The following MOXD1 variants were observed in gnomAD, a reference collection of about 807,000 sequenced individuals.
The protein encoded by MOXD1 is DBH-like monooxygenase protein 1.
MOXD1 carries 62 observed loss-of-function variants against 66.6 expected under a neutral mutation model. That is an observed-to-expected ratio of 0.93 (90% CI 0.76 to 1.15). MOXD1 has a LOEUF of 1.15. Ranked by LOEUF, MOXD1 falls within the 50% of genes most tolerant of loss-of-function variation. The pLI, the probability that MOXD1 is intolerant of heterozygous loss-of-function variation, is 0.00. For synonymous variants in MOXD1, 303 were observed against 281.9 expected (o/e 1.07, Z -0.75); for missense variants, 847 against 754.6 (o/e 1.12, Z -1.44).
intron 4 of MOXD1, among the ~76,000 whole-genome samples, chr6:132,353,763 AC>A (rs1299733524): frequency 6.6e-6 from 1 of 151,818 alleles, no homozygotes; most frequent in Non-Finnish European, 1.5e-5. Flanking sequence ...ATGTTTCCAA[AC>A]TTTTAGATTC....
intron 4 of MOXD1, among the ~76,000 whole-genome samples, chr6:132,344,474 G>A (rs1039992640): frequency 4.6e-5 from 7 of 152,132 alleles, no homozygotes; most frequent in African/African-American, 7.2e-5. Flanking sequence ...AGATAGGGGC[G>A]GGTCCCTGGT....
intron 4 of MOXD1, among the ~76,000 whole-genome samples, chr6:132,333,418 C>T (rs758083237): frequency 3.3e-5 from 5 of 151,208 alleles, no homozygotes; most frequent in Non-Finnish European, 7.4e-5. Context: ...GGTTACTTCA[C>T]ACATTCACAT....
At chr6:132,374,537 A>C (rs1776336131) in intron 2 of MOXD1, 94 bp downstream of exon 2, 1 of 1,062,866 alleles carries the variant, frequency 9.4e-7, no homozygotes, top group African/African-American at 1.6e-5. Context: ...ATTAGAAAAA[A>C]GACTATATGA....
At chr6:132,328,146 C>T (rs764005730) in intron 5 of MOXD1, 31 bp from the exon 6 acceptor site, 3 of 1,568,446 alleles carry the variant, frequency 1.9e-6, no homozygotes, top group Non-Finnish European at 2.6e-6. Flanking sequence ...GAGACAATGT[C>T]CTATGAAAGT....
At chr6:132,356,658 A>G (rs1010122129) in intron 4 of MOXD1, among the ~76,000 whole-genome samples, 1 of 152,196 alleles carries the variant, frequency 6.6e-6, no homozygotes, top group Non-Finnish European at 1.5e-5. Context: ...TATGGTTTAT[A>G]CATAATAGGA....
rs541273014 is a variant in MOXD1, at chr6:132,377,875, C to A, written c.265-3098G>T. Among the ~76,000 whole-genome samples the A allele has an allele frequency of 2.0e-5, 3 of 152,248 alleles. No homozygotes were observed. In the South Asian group the frequency reaches 6.2e-4, roughly 32 times the overall value. ...GGGCGCAGTGGCTCATGCCTGTAAT[C>A]CCAGCAATTTAGGAGGCCAAGGGGG... On this transcript the variant is annotated intron_variant, in intron 1 of 11. Coordinates refer to ENST00000367963, the MANE Select transcript of MOXD1 (RefSeq NM_015529.4).
intron 10 of MOXD1, among the ~76,000 whole-genome samples, chr6:132,307,144 C>T (rs895307967): frequency 3.3e-5 from 5 of 151,726 alleles, no homozygotes; most frequent in African/African-American, 9.7e-5. Flanking sequence ...CAGAGACACA[C>T]ATAGGCTCAA....
At chr6:132,305,437 T>C (rs1295584801) in intron 10 of MOXD1, among the ~76,000 whole-genome samples, 1 of 152,260 alleles carries the variant, frequency 6.6e-6, no homozygotes, top group African/African-American at 2.4e-5. Context: ...CCTTTCCTCC[T>C]GGTAGCTCTG....
chr6:132,396,037 T>C (rs1582615346), intron 1 of MOXD1, among the ~76,000 whole-genome samples: 1 of 152,328 alleles, frequency 6.6e-6, no homozygotes, highest in African/African-American at 2.4e-5. Flanking sequence ...TTAGACTAAA[T>C]GGACCTAACA....
intron 4 of MOXD1, among the ~76,000 whole-genome samples, chr6:132,355,942 T>C (rs541462591): frequency 1.3e-5 from 2 of 152,312 alleles, no homozygotes; most frequent in African/African-American, 4.8e-5. Flanking sequence ...ACAAACAACA[T>C]GGCCAACTTG....
At chr6:132,322,176 C>T (rs1775090068) in intron 8 of MOXD1, among the ~76,000 whole-genome samples, 1 of 152,282 alleles carries the variant, frequency 6.6e-6, no homozygotes, top group South Asian at 2.1e-4. Context: ...TTCACCATAA[C>T]CCCAAGTATT....
intron 1 of MOXD1, among the ~76,000 whole-genome samples, chr6:132,393,182 G>T (rs1776805077): frequency 6.7e-6 from 1 of 148,208 alleles, no homozygotes; most frequent in Non-Finnish European, 1.5e-5. Context: ...GACAGAGAAG[G>T]GGGTGGGAAA....
intron 1 of MOXD1, 109 bp from the exon 2 acceptor site, chr6:132,374,886 C>A (rs778279555): frequency 1.8e-6 from 2 of 1,131,104 alleles, no homozygotes; most frequent in African/African-American, 3.1e-5. Flanking sequence ...TTTATAAATC[C>A]CGGGAATTTC....
At chr6:132,379,492 G>C (rs939933984) in intron 1 of MOXD1, among the ~76,000 whole-genome samples, 88 of 152,272 alleles carry the variant, frequency 5.8e-4, no homozygotes, top group African/African-American at 2.1e-3. Context: ...AAGCCCTACA[G>C]GTGATTGTCC....
chr6:132,299,879 T>C (rs1388534750), intron 10 of MOXD1, among the ~76,000 whole-genome samples: 9 of 149,762 alleles, frequency 6.0e-5, no homozygotes, highest in Non-Finnish European at 1.3e-4. Flanking sequence ...ATTTATGTCA[T>C]TTCTCTCTCC....
chr6:132,388,714 G>T (rs560479662), intron 1 of MOXD1, among the ~76,000 whole-genome samples: 3 of 151,418 alleles, frequency 2.0e-5, no homozygotes, highest in Non-Finnish European at 4.4e-5. Flanking sequence ...GGTCCATTTT[G>T]TTACTGTTAA....
At chr6:132,349,787 GT>G (rs201145396) in intron 4 of MOXD1, among the ~76,000 whole-genome samples, 2,191 of 151,954 alleles carry the variant, frequency 0.014, 67 homozygotes, top group African/African-American at 0.051. Flanking sequence ...AACATCTCCT[GT>G]TTTTTGATTT....
Position 132,333,528 on chromosome 6 carries a change from C to T in MOXD1, c.664-4934G>A, listed in dbSNP as rs181122281. 9.9e-5 allele frequency among the ~76,000 whole-genome samples: 15 copies of T among 151,976 alleles called. 1 individual carries two copies. The highest frequency in any genetic ancestry group is 2.4e-4 in the African/African-American group (10 of 41,438). On this transcript the variant is annotated intron_variant, in intron 4 of 11. Transcript: ENST00000367963. ...GAAAGTCATGACCATAGAAAGTATA[C>T]GAATATAGATATATTGGTATTCCTG...
At chr6:132,390,589 G>T (rs1776740204) in intron 1 of MOXD1, 1 of 151,546 alleles carries the variant, frequency 6.6e-6, no homozygotes, top group Non-Finnish European at 1.5e-5. Flanking sequence ...GCATCTCGAA[G>T]TGTTCAATAA....
Sources: allele counts gnomAD v4.1 joint callset (sites outside exome capture counted in the v4.1 genomes callset), GRCh38; gene constraint gnomAD v4.1.1; transcripts MANE v1.5; gene names NCBI Gene and HGNC (gene_info 2026-07-23, HGNC 2026-07-21).